Variants in BMPR1B observed in about 807,000 individuals in gnomAD.
BMPR1B encodes bone morphogenetic protein receptor type-1B.
Under a neutral mutation model 59.1 loss-of-function variants are expected in BMPR1B, and 12 were observed. The observed-to-expected ratio is 0.20, with a 90% CI of 0.13 to 0.33. The LOEUF (loss-of-function observed/expected upper bound fraction) is 0.33, where lower values mean the gene tolerates loss of function less well. BMPR1B is among the 10% of genes least tolerant of loss of function. BMPR1B has a pLI of 1.00. For missense variants in BMPR1B, 550 were observed against 610.9 expected (o/e 0.90, Z 1.05); for synonymous variants, 237 against 207.3 (o/e 1.14, Z -1.23).
intron 3 of BMPR1B, among the ~76,000 whole-genome samples, chr4:95,089,352 C>T (rs751909244): frequency 6.6e-6 from 1 of 151,480 alleles, no homozygotes; most frequent in African/African-American, 2.4e-5. Flanking sequence ...TTGGGAGAGC[C>T]CATATTGACA....
At chr4:95,139,292 G>T (rs1734037132) in intron 10 of BMPR1B, among the ~76,000 whole-genome samples, 2 of 152,260 alleles carry the variant, frequency 1.3e-5, no homozygotes, top group African/African-American at 4.8e-5. Flanking sequence ...TCTCAGAGGG[G>T]CACCTGGCTG....
chr4:94,976,849 C>T (rs927085910), intron 2 of BMPR1B, among the ~76,000 whole-genome samples: 2 of 151,954 alleles, frequency 1.3e-5, no homozygotes, highest in East Asian at 1.9e-4. Context: ...GTAATCAGTC[C>T]ATCTCCTGGG....
intron 1 of BMPR1B, among the ~76,000 whole-genome samples, chr4:94,837,113 T>TCTGC (rs1390376072): frequency 1.5e-4 from 22 of 145,674 alleles, no homozygotes; most frequent in Admixed American, 4.1e-4. Context: ...GTTCCATTGA[T>TCTGC]CTATATCTCT....
At chr4:95,083,103 A>G (rs1729303206) in intron 3 of BMPR1B, among the ~76,000 whole-genome samples, 1 of 150,118 alleles carries the variant, frequency 6.7e-6, no homozygotes, top group South Asian at 2.1e-4. Context: ...TAGAGAATTT[A>G]TCTTCCTACA....
chr4:95,139,743 G>A lies in BMPR1B; in HGVS notation c.1076+8231G>A, dbSNP rs1236372765. Among the ~76,000 whole-genome samples, 5 of 152,200 alleles carry A rather than the reference G, an allele frequency of 3.3e-5. No homozygotes were observed. The South Asian group carries it at 6.2e-4, about 19-fold the overall frequency. ...GTGGGACCCTCGGAGCCATGCGCGG[G>A]ATATAATCTCCTGGTGTGCCGTTTG... On this transcript the variant is annotated intron_variant, in intron 10 of 12. Coordinates refer to ENST00000515059, the MANE Select transcript of BMPR1B (RefSeq NM_001203.3).
intron 5 of BMPR1B, 38 bp downstream of exon 5, chr4:95,114,860 C>A: frequency 6.6e-7 from 1 of 1,526,058 alleles, no homozygotes; most frequent in Non-Finnish European, 9.1e-7. Context: ...CTTTCATTGG[C>A]TAGATTTCCA....
chr4:95,114,641 C>G (rs1166018935), intron 4 of BMPR1B, 79 bp from the exon 5 acceptor site: 16 of 1,116,684 alleles, frequency 1.4e-5, no homozygotes, highest in East Asian at 1.2e-4. Context: ...TTCCTTTTCC[C>G]CTAGACACAC....
chr4:94,878,509 A>C (rs1270491695), intron 2 of BMPR1B, among the ~76,000 whole-genome samples: 2 of 152,208 alleles, frequency 1.3e-5, no homozygotes. Flanking sequence ...TTCTTGTTAC[A>C]CTGGCCCAGG....
rs560480581 is a variant in BMPR1B, at chr4:94,822,157, A to G, written c.-182-53674A>G. 6.6e-4 allele frequency among the ~76,000 whole-genome samples: 100 copies of G among 152,346 alleles called. No homozygotes were observed. The Middle Eastern group carries it at 0.01, about 16-fold the overall frequency. ...CTCATGGTGGAAGGTGGATGGGCAA[A>G]GAGACAAAAGGGGGCCAGATAAGCT... On this transcript the variant is annotated intron_variant, in intron 1 of 12. Coordinates refer to ENST00000515059, the MANE Select transcript of BMPR1B (RefSeq NM_001203.3).
At chr4:94,932,690 A>G (rs571917628) in intron 2 of BMPR1B, among the ~76,000 whole-genome samples, 1 of 152,226 alleles carries the variant, frequency 6.6e-6, no homozygotes, top group African/African-American at 2.4e-5. Flanking sequence ...AAAAATTGGC[A>G]TTTTACAACA....
At chr4:94,788,187 C>A (rs538325743) in intron 1 of BMPR1B, among the ~76,000 whole-genome samples, 54 of 152,246 alleles carry the variant, frequency 3.5e-4, no homozygotes, top group African/African-American at 1.2e-3. Context: ...AACACTTTAG[C>A]CACAGGACAC....
chr4:94,906,892 A>G (rs1715932243), intron 2 of BMPR1B, among the ~76,000 whole-genome samples: 1 of 152,058 alleles, frequency 6.6e-6, no homozygotes, highest in African/African-American at 2.4e-5. Context: ...TAACACAAAC[A>G]AGATCATTTA....
At chr4:95,082,389 G>C (rs2149236628) in intron 3 of BMPR1B, among the ~76,000 whole-genome samples, 1 of 151,982 alleles carries the variant, frequency 6.6e-6, no homozygotes, top group African/African-American at 2.4e-5. Flanking sequence ...CTTCCACCTT[G>C]TCTGCTGCTC....
At chr4:94,950,317 T>G (rs949619328) in intron 2 of BMPR1B, among the ~76,000 whole-genome samples, 2 of 151,058 alleles carry the variant, frequency 1.3e-5, no homozygotes, top group African/African-American at 4.9e-5. Context: ...CAATGTTGGC[T>G]TTTTTTTTGC....
chr4:95,074,041 C>G (rs115401785), intron 3 of BMPR1B, among the ~76,000 whole-genome samples: 1,554 of 152,022 alleles, frequency 0.01, 29 homozygotes, highest in African/African-American at 0.035. Context: ...GTAATATAGA[C>G]ATACTTGATT....
In BMPR1B at chr4:94,793,936, A is replaced by G. The variant is rs1339887001; in HGVS notation, c.-183+35868A>G. 5.4e-5 allele frequency among the ~76,000 whole-genome samples: 8 copies of G among 149,428 alleles called. No individual in the cohort carries two copies. In the South Asian group the frequency reaches 6.3e-4, roughly 12 times the overall value. On this transcript the variant is annotated intron_variant, in intron 1 of 12. Coordinates refer to ENST00000515059, the MANE Select transcript of BMPR1B (RefSeq NM_001203.3). ...GATATTAGCCCTTTGTCAGATGAGT[A>G]GGTTGCGAAAATTTTCTCCCATTTT...
chr4:95,030,232 T>G (rs542287718), intron 3 of BMPR1B, among the ~76,000 whole-genome samples: 173 of 152,210 alleles, frequency 1.1e-3, no homozygotes, highest in African/African-American at 3.8e-3. Flanking sequence ...TTTTCTTCTG[T>G]GGTTTTTATG....
intron 2 of BMPR1B, among the ~76,000 whole-genome samples, chr4:94,947,760 G>A (rs1055688528): frequency 6.6e-6 from 1 of 152,186 alleles, no homozygotes; most frequent in Non-Finnish European, 1.5e-5. Flanking sequence ...ATCTCCTGTA[G>A]CGCCAGTCCT....
intron 1 of BMPR1B, among the ~76,000 whole-genome samples, chr4:94,863,642 T>A (rs926738291): frequency 9.9e-5 from 15 of 152,272 alleles, no homozygotes; most frequent in African/African-American, 3.6e-4. Flanking sequence ...AAATGGACTT[T>A]TCTTGTGGAC....
Sources: allele counts gnomAD v4.1 joint callset (sites outside exome capture counted in the v4.1 genomes callset), GRCh38; gene constraint gnomAD v4.1.1; transcripts MANE v1.5; gene names NCBI Gene and HGNC (gene_info 2026-07-23, HGNC 2026-07-21).